TMOD2: variants seen among roughly 807,000 people sequenced by gnomAD.
TMOD2 encodes the protein tropomodulin-2.
TMOD2 carries 22 observed loss-of-function variants against 39.9 expected under a neutral mutation model. The ratio of observed to expected loss-of-function variants is 0.55; its 90% CI spans 0.39 to 0.79. The LOEUF (loss-of-function observed/expected upper bound fraction) is 0.79. TMOD2 is among the 30% of genes least tolerant of loss of function. The probability of loss-of-function intolerance (pLI) is 0.00; values close to 1 mark genes in which losing one functional copy is unlikely to be tolerated. For synonymous variants in TMOD2, 123 were observed against 146.1 expected (o/e 0.84, Z 1.14); for missense variants, 386 against 413.3 (o/e 0.93, Z 0.57).
In TMOD2 at chr15:51,800,748, C is replaced by G. The variant is rs1277031807; in HGVS notation, c.876+2408C>G. On this transcript the variant is annotated intron_variant, in intron 8 of 9. Transcript: ENST00000249700. ...TGAGACAAGGTCTCACTCTATGGCCCAGGCTAGAGTACAATGATGCAGTGT... is the reference window on the plus strand; with the variant it reads ...TGAGACAAGGTCTCACTCTATGGCCGAGGCTAGAGTACAATGATGCAGTGT... 2.0e-5 allele frequency among the ~76,000 whole-genome samples: 3 copies of G among 152,062 alleles called. No homozygotes were observed. In the East Asian group the frequency reaches 5.8e-4, roughly 29 times the overall value.
At chr15:51,794,886 A>T (rs551655950) in intron 7 of TMOD2, among the ~76,000 whole-genome samples, 1 of 152,040 alleles carries the variant, frequency 6.6e-6, no homozygotes, top group Non-Finnish European at 1.5e-5. Flanking sequence ...AGCTTTATAC[A>T]TTTTCTGTAA....
chr15:51,779,683 A>G (rs940939732), intron 5 of TMOD2, among the ~76,000 whole-genome samples: 3 of 150,778 alleles, frequency 2.0e-5, no homozygotes, highest in Non-Finnish European at 4.4e-5. Flanking sequence ...GATAATGAAG[A>G]TACTTTTTTT....
At position 51,811,711 on chromosome 15, in the gene TMOD2, C is replaced by G. The variant is rs559273351; in HGVS notation, c.*3257C>G. ...GTCAGATATCTAACTAGGTATTTGG[C>G]TACATCTGGACAACTGATTGAAGGG... On this transcript the variant is annotated 3_prime_UTR_variant, in exon 10 of 10. Coordinates refer to ENST00000249700, the MANE Select transcript of TMOD2 (RefSeq NM_014548.4). 27 of 152,198 alleles carry G rather than the reference C, an allele frequency of 1.8e-4. No individual in the cohort carries two copies. Among genetic ancestry groups the G allele is most frequent in the African/African-American group, 6.5e-4 (27 of 41,508 alleles). 9.4% of individuals were successfully genotyped at this position (152,198 alleles called of 1,614,324 possible).
intron 7 of TMOD2, among the ~76,000 whole-genome samples, chr15:51,785,186 G>A (rs2055959739): frequency 6.6e-6 from 1 of 152,086 alleles, no homozygotes; most frequent in East Asian, 1.9e-4. Flanking sequence ...GCCGAGGCGG[G>A]TGGATCATGA....
intron 1 of TMOD2, among the ~76,000 whole-genome samples, chr15:51,758,502 C>T (rs1840708): frequency 0.4 from 61,510 of 151,938 alleles, 12,600 homozygotes; most frequent in Middle Eastern, 0.45. Flanking sequence ...TCTGGACCTG[C>T]GGGTTCATTT....
At chr15:51,763,119 TG>T (rs1249698135) in intron 1 of TMOD2, among the ~76,000 whole-genome samples, 1 of 151,994 alleles carries the variant, frequency 6.6e-6, no homozygotes, top group East Asian at 1.9e-4. Context: ...AAAAAAAAAT[TG>T]TAGAAACGGG....
intron 8 of TMOD2, among the ~76,000 whole-genome samples, chr15:51,804,708 G>A (rs2056111080): frequency 6.6e-6 from 1 of 151,632 alleles, no homozygotes; most frequent in South Asian, 2.1e-4. Context: ...GAGTAGCTGG[G>A]ACTACAGGTG....
At chr15:51,798,045 C>A in intron 7 of TMOD2, 152 bp from the exon 8 acceptor site, 2 of 630,266 alleles carry the variant, frequency 3.2e-6, no homozygotes, top group Non-Finnish European at 2.6e-6. Flanking sequence ...TAAATTGTAT[C>A]TTTGTTACTT....
In TMOD2 at chr15:51,779,934, A is replaced by G. The variant is rs568542305; in HGVS notation, c.494-1110A>G. Among the ~76,000 whole-genome samples, 6 of 152,322 alleles carry G rather than the reference A, an allele frequency of 3.9e-5. No individual in the cohort carries two copies. The South Asian group carries it at 1.0e-3, about 26-fold the overall frequency. ...CTGCCTCAAGAAACTCTCTTGCTTC[A>G]GTCCCCCAAAGTGCTGGGATTATAG... On this transcript the variant is annotated intron_variant, in intron 5 of 9. Coordinates refer to ENST00000249700, the MANE Select transcript of TMOD2 (RefSeq NM_014548.4).
chr15:51,799,683 C>T (rs2056075807), intron 8 of TMOD2, among the ~76,000 whole-genome samples: 1 of 152,188 alleles, frequency 6.6e-6, no homozygotes, highest in Non-Finnish European at 1.5e-5. Flanking sequence ...TGTATCCTAG[C>T]ATATGTCCAG....
intron 9 of TMOD2, among the ~76,000 whole-genome samples, chr15:51,807,950 G>T (rs1441703149): frequency 2.0e-5 from 3 of 152,152 alleles, no homozygotes; most frequent in Admixed American, 1.3e-4. Context: ...CTTCCTGTAG[G>T]TTGATACTTA....
chr15:51,782,592 G>A (rs2055938069), intron 6 of TMOD2, 129 bp from the exon 7 acceptor site: 3 of 723,192 alleles, frequency 4.1e-6, no homozygotes, highest in African/African-American at 1.8e-5. Flanking sequence ...GCTAGGTAAT[G>A]ACCCTCATTT....
chr15:51,752,948 C>G (rs1374690326), intron 1 of TMOD2: 2 of 152,124 alleles, frequency 1.3e-5, no homozygotes, highest in East Asian at 3.9e-4. Flanking sequence ...TTGTTTTTGT[C>G]TTTAATTTGC....
rs891123254 is a variant in TMOD2 at position 51,815,721 on chromosome 15, G to A, written c.*7267G>A. ...CATGGAATAGTTATATTTTAATTAA[G>A]CATTTATTTTAGTTGTTTTCATCCA... On this transcript the variant is annotated 3_prime_UTR_variant, in exon 10 of 10. Transcript: ENST00000249700. 6.6e-6 allele frequency: 1 copy of A among 152,116 alleles called. No homozygotes were observed. The highest frequency in any genetic ancestry group is 2.4e-5 in the African/African-American group (1 of 41,414). 9.4% of individuals were successfully genotyped at this position (152,116 alleles called of 1,614,324 possible).
rs2056136862 is a variant in TMOD2 at position 51,808,666 on chromosome 15, G to A, written c.*212G>A. ...TTTTATTTGCTCATGGGCACTTCTG[G>A]CAACTTGACAAATGGACCGATGCAG... On this transcript the variant is annotated 3_prime_UTR_variant, in exon 10 of 10. Coordinates refer to ENST00000249700, the MANE Select transcript of TMOD2 (RefSeq NM_014548.4). 2.5e-6 allele frequency: 1 copy of A among 396,352 alleles called. No homozygotes were observed. Among genetic ancestry groups the A allele is most frequent in the Non-Finnish European group, 4.5e-6 (1 of 222,148 alleles). 24.6% of individuals were successfully genotyped at this position (396,352 alleles called of 1,614,324 possible). A position where few individuals can be genotyped will look rare whatever the true frequency, so the allele number is the denominator to read the frequency against.
At chr15:51,804,881 T>A (rs1187316923) in intron 8 of TMOD2, among the ~76,000 whole-genome samples, 1 of 151,874 alleles carries the variant, frequency 6.6e-6, no homozygotes, top group East Asian at 1.9e-4. Flanking sequence ...CCTTATTTTT[T>A]AAAATGTGAT....
chr15:51,806,642 A>G, intron 9 of TMOD2, 121 bp downstream of exon 9: 1 of 1,099,926 alleles, frequency 9.1e-7, no homozygotes, highest in Non-Finnish European at 1.3e-6. Context: ...TCACTTCTTC[A>G]TATAAGACGC....
intron 4 of TMOD2, among the ~76,000 whole-genome samples, chr15:51,775,935 G>A (rs953683156): frequency 6.6e-6 from 1 of 152,162 alleles, no homozygotes; most frequent in Non-Finnish European, 1.5e-5. Flanking sequence ...AATAGTGCCT[G>A]ACACATAGAA....
chr15:51,783,229 A>G (rs1381393518), intron 7 of TMOD2: 1 of 179,636 alleles, frequency 5.6e-6, no homozygotes, highest in Non-Finnish European at 1.2e-5. Context: ...CATGCCTGTA[A>G]TCCCAGCACT....
Sources: gnomAD v4.1 joint callset for allele counts (sites outside exome capture counted in the v4.1 genomes callset) on GRCh38, gnomAD v4.1.1 for gene constraint, MANE v1.5 for transcripts, NCBI Gene and HGNC (gene_info 2026-07-23, HGNC 2026-07-21) for gene names.